Variants in DCAF4 observed in about 807,000 individuals in gnomAD.
DCAF4 encodes DDB1 and CUL4 associated factor 4, also known as DDB1- and CUL4-associated factor 4.
Under a neutral mutation model 60.9 loss-of-function variants are expected in DCAF4, and 37 were observed. The ratio of observed to expected loss-of-function variants is 0.61; its 90% CI spans 0.47 to 0.80. The LOEUF is 0.80. Ranked by LOEUF, DCAF4 falls within the 30% of genes least tolerant of loss-of-function variation. DCAF4 has a pLI of 0.00. For missense variants in DCAF4, 577 were observed against 650.0 expected, an observed-to-expected ratio of 0.89 and a Z score of 1.22; for synonymous variants, 243 against 254.8, an observed-to-expected ratio of 0.95 and a Z score of 0.44.
At chr14:72,939,724 G>T in intron 2 of DCAF4, 78 bp from the exon 3 acceptor site, 1 of 1,293,678 alleles carries the variant, frequency 7.7e-7, no homozygotes, top group South Asian at 1.4e-5. Flanking sequence ...AGAACTGCCC[G>T]AATGGACTCC....
Position 72,940,296 on chromosome 14 carries a change from CCT to C in DCAF4, c.271_272del (p.Leu91AspfsTer33), listed in dbSNP as rs1567305372. On this transcript the variant is annotated frameshift_variant, in exon 4 of 14. Coordinates refer to ENST00000358377, the MANE Select transcript of DCAF4 (RefSeq NM_015604.4). LOFTEE classifies it high-confidence loss of function. ...TCCCTGGACATAACAACTGCAACCC[CCT>C]GACGAAAGAGAGCATCCGGCAGAAG... ...LLPGHNNCNP[L>X]TKESIRQKEM... The C allele has an allele frequency of 1.2e-6, 2 of 1,614,144 alleles. No individual in the cohort carries two copies. Among genetic ancestry groups the C allele is most frequent in the Non-Finnish European group, 1.7e-6 (2 of 1,180,030 alleles).
At chr14:72,949,529 C>T (rs561612107) in intron 8 of DCAF4, among the ~76,000 whole-genome samples, 134 of 151,952 alleles carry the variant, frequency 8.8e-4, no homozygotes, top group African/African-American at 2.9e-3. Context: ...CTGAGGCAGG[C>T]GGATCACTTG....
downstream of DCAF4, among the ~76,000 whole-genome samples, chr14:72,961,361 G>A (rs906021907): frequency 6.6e-6 from 1 of 152,190 alleles, no homozygotes; most frequent in Non-Finnish European, 1.5e-5. Context: ...TAACAACAAT[G>A]GGAAAGAGTT....
chr14:72,953,732 A>AAAAT (rs1555527852), intron 9 of DCAF4, among the ~76,000 whole-genome samples: 2 of 21,766 alleles, frequency 9.2e-5, no homozygotes, highest in African/African-American at 2.3e-4. Context: ...AAAAAAAAAA[A>AAAAT]ATATATATAT....
intron 7 of DCAF4, 46 bp from the exon 8 acceptor site, chr14:72,947,096 A>G (rs753109951): frequency 6.2e-7 from 1 of 1,610,400 alleles, no homozygotes; most frequent in Non-Finnish European, 8.5e-7. Flanking sequence ...AGGAAAGCAT[A>G]TTACTGTAGA....
At chr14:72,958,460 T>C in intron 13 of DCAF4, 152 bp from the exon 14 acceptor site, 1 of 894,240 alleles carries the variant, frequency 1.1e-6, no homozygotes, top group Non-Finnish European at 1.7e-6. Context: ...GCGACTTGGG[T>C]TATCCGTAGA....
At chr14:72,958,527 A>G (rs1594813872) in intron 13 of DCAF4, 85 bp from the exon 14 acceptor site, 1 of 1,498,566 alleles carries the variant, frequency 6.7e-7, no homozygotes, top group East Asian at 2.3e-5. Context: ...AGCCCTGAGG[A>G]ATCTTGGGAA....
chr14:72,929,763 C>T (rs1431850100), intron 1 of DCAF4: 3 of 1,043,384 alleles, frequency 2.9e-6, no homozygotes, highest in Admixed American at 1.7e-5. Context: ...CTCCATGGCG[C>T]GCAGCTCGTA....
At chr14:72,928,425 G>A (rs1203708470) in intron 1 of DCAF4, among the ~76,000 whole-genome samples, 1 of 149,982 alleles carries the variant, frequency 6.7e-6, no homozygotes, top group East Asian at 2.0e-4. Flanking sequence ...CATATCTGCC[G>A]ACCTCGTGAT....
At chr14:72,930,254 T>TC (rs1024139196) in intron 1 of DCAF4, among the ~76,000 whole-genome samples, 1 of 151,624 alleles carries the variant, frequency 6.6e-6, no homozygotes, top group Non-Finnish European at 1.5e-5. Context: ...TTCTTTTTTT[T>TC]TTTTGAGACG....
intron 6 of DCAF4, among the ~76,000 whole-genome samples, chr14:72,943,866 G>A (rs1024022642): frequency 6.6e-6 from 1 of 152,200 alleles, no homozygotes; most frequent in Non-Finnish European, 1.5e-5. Flanking sequence ...GCCGATGCTA[G>A]AGATTGACCC....
intron 1 of DCAF4, among the ~76,000 whole-genome samples, chr14:72,937,277 G>A (rs1314703590): frequency 6.6e-6 from 1 of 152,082 alleles, no homozygotes; most frequent in African/African-American, 2.4e-5. Context: ...CAGCCAGGTG[G>A]GATGGGTCTC....
In DCAF4 at chr14:72,952,855, C is replaced by T. The variant is rs1203282411; in HGVS notation, c.808+978C>T. ...GATCACAGGCGCACACCACCACGCCCGGCTAATTTTTGTATTTTTAGTAGA... is the reference window on the plus strand; with the variant it reads ...GATCACAGGCGCACACCACCACGCCTGGCTAATTTTTGTATTTTTAGTAGA... On this transcript the variant is annotated intron_variant, in intron 9 of 13. Coordinates refer to ENST00000358377, the MANE Select transcript of DCAF4 (RefSeq NM_015604.4). Among the ~76,000 whole-genome samples, 7 of 151,126 alleles carry T rather than the reference C, an allele frequency of 4.6e-5. No individual in the cohort carries two copies. In the South Asian group the frequency reaches 8.4e-4, roughly 18 times the overall value.
At chr14:72,947,322 C>G in intron 8 of DCAF4, 131 bp downstream of exon 8, 1 of 1,077,866 alleles carries the variant, frequency 9.3e-7, no homozygotes, top group Non-Finnish European at 1.4e-6. Flanking sequence ...ACATCTCACG[C>G]TTTAGAAAAA....
At chr14:72,947,355 C>T (rs894891215) in intron 8 of DCAF4, among the ~76,000 whole-genome samples, 164 bp downstream of exon 8, 2 of 152,222 alleles carry the variant, frequency 1.3e-5, no homozygotes, top group Non-Finnish European at 2.9e-5. Context: ...CTGGATAGAA[C>T]ACAAGGATGC....
At chr14:72,951,682 C>T (rs1891436228) in intron 8 of DCAF4, 116 bp from the exon 9 acceptor site, 6 of 858,630 alleles carry the variant, frequency 7.0e-6, no homozygotes, top group South Asian at 2.9e-5. Context: ...TGAATCTGGA[C>T]GGTGGGGGTT....
At chr14:72,956,251 T>C (rs1404192065) in intron 12 of DCAF4, 135 bp from the exon 13 acceptor site, 5 of 629,900 alleles carry the variant, frequency 7.9e-6, no homozygotes, top group Non-Finnish European at 2.7e-6. Flanking sequence ...ACAACAAGGC[T>C]CAAGAATTCG....
intron 1 of DCAF4, among the ~76,000 whole-genome samples, chr14:72,934,301 C>T (rs1888972296): frequency 6.6e-6 from 1 of 152,030 alleles, no homozygotes; most frequent in South Asian, 2.1e-4. Flanking sequence ...TTGCAGGCGC[C>T]CACTACCATG....
chr14:72,947,076 G>A, intron 7 of DCAF4, 66 bp from the exon 8 acceptor site: 2 of 1,602,894 alleles, frequency 1.2e-6, no homozygotes, highest in South Asian at 2.2e-5. Flanking sequence ...GTCCCCACAT[G>A]TTATTCCACA....
Sources: gnomAD v4.1 joint callset for allele counts (sites outside exome capture counted in the v4.1 genomes callset) on GRCh38, gnomAD v4.1.1 for gene constraint, MANE v1.5 for transcripts, NCBI Gene and HGNC (gene_info 2026-07-23, HGNC 2026-07-21) for gene names.